Variants in GCC2 observed in about 807,000 individuals in gnomAD.
The protein encoded by GCC2 is GRIP and coiled-coil domain-containing protein 2.
Under a neutral mutation model 210.6 loss-of-function variants are expected in GCC2, and 120 were observed. The observed-to-expected ratio is 0.57, with a 90% CI of 0.49 to 0.66. The LOEUF (loss-of-function observed/expected upper bound fraction) is 0.66, where lower values mean the gene tolerates loss of function less well. Ranked by LOEUF, GCC2 falls within the 30% of genes least tolerant of loss-of-function variation. The pLI is 0.00. For missense variants in GCC2, 1,868 were observed against 1,871.9 expected, an observed-to-expected ratio of 1.00 and a Z score of 0.04; for synonymous variants, 703 against 652.7, an observed-to-expected ratio of 1.08 and a Z score of -1.17.
At chr2:108,472,223 T>C (rs1469090250) in intron 6 of GCC2, 107 bp downstream of exon 6, 1 of 745,840 alleles carries the variant, frequency 1.3e-6, no homozygotes, top group East Asian at 3.0e-5. Flanking sequence ...ATTTTTACCA[T>C]TTAAGCCCAA....
intron 3 of GCC2, among the ~76,000 whole-genome samples, 168 bp from the exon 4 acceptor site, chr2:108,452,231 T>C (rs912858281): frequency 1.1e-4 from 17 of 152,150 alleles, no homozygotes; most frequent in African/African-American, 4.1e-4. Context: ...AAATTGGCCA[T>C]GTAATGCTGA....
At chr2:108,466,517 G>T (rs1442671996) in intron 4 of GCC2, among the ~76,000 whole-genome samples, 5 of 151,344 alleles carry the variant, frequency 3.3e-5, no homozygotes, top group Non-Finnish European at 5.9e-5. Context: ...CTGTCACCCA[G>T]GCTGGAGTGC....
At chr2:108,506,936 A>G (rs1683222018) in intron 22 of GCC2, among the ~76,000 whole-genome samples, 1 of 152,194 alleles carries the variant, frequency 6.6e-6, no homozygotes, top group Admixed American at 6.5e-5. Flanking sequence ...CATGATTTTC[A>G]TAGCTGGATT....
chr2:108,461,934 G>A (rs1680609987), intron 4 of GCC2, among the ~76,000 whole-genome samples: 3 of 137,152 alleles, frequency 2.2e-5, no homozygotes, highest in African/African-American at 5.5e-5. Context: ...CCGGGTTCAC[G>A]CCATTCTCCT....
intron 4 of GCC2, among the ~76,000 whole-genome samples, chr2:108,461,761 C>T (rs574490600): frequency 5.8e-4 from 88 of 151,908 alleles, no homozygotes; most frequent in African/African-American, 2.1e-3. Flanking sequence ...GCCTCAGCTT[C>T]CCAAAGTTCT....
At chr2:108,475,494 C>T (rs1336815248) in intron 7 of GCC2, 41 bp from the exon 8 acceptor site, 2 of 907,252 alleles carry the variant, frequency 2.2e-6, no homozygotes, top group African/African-American at 1.7e-5. Context: ...GAATTTTTTC[C>T]TTTTGAGTTC....
chr2:108,493,444 A>C, intron 19 of GCC2: 1 of 985,944 alleles, frequency 1.0e-6, no homozygotes, highest in Non-Finnish European at 1.2e-6. Flanking sequence ...CCGTTGTTAG[A>C]CATCAAATTT....
chr2:108,460,991 A>T (rs1680540765), intron 4 of GCC2, among the ~76,000 whole-genome samples: 2 of 152,146 alleles, frequency 1.3e-5, no homozygotes, highest in Non-Finnish European at 2.9e-5. Context: ...AAGTTTCCTG[A>T]GGCCTCCCCA....
chr2:108,461,857 A>G (rs1680602366), intron 4 of GCC2, among the ~76,000 whole-genome samples: 2 of 104,884 alleles, frequency 1.9e-5, no homozygotes, highest in South Asian at 6.1e-4. Context: ...TTTTTGAGAC[A>G]GAGTCTCGCT....
chr2:108,477,825 C>G lies in GCC2; in HGVS notation c.3060+1975C>G, dbSNP rs185198686. ...CTTTGGGAGGCCAAGGTGGGTGAGT[C>G]ACTTGAGGCCAGGAGTTTGAGATCA... On this transcript the variant is annotated intron_variant, in intron 9 of 22. Transcript: ENST00000309863. Among the ~76,000 whole-genome samples, 914 of 152,224 alleles carry G rather than the reference C, an allele frequency of 6.0e-3. 10 individuals are homozygous for G. The highest frequency in any genetic ancestry group is 0.021 in the African/African-American group (874 of 41,534).
At chr2:108,462,931 C>G (rs906797321) in intron 4 of GCC2, among the ~76,000 whole-genome samples, 47 of 151,762 alleles carry the variant, frequency 3.1e-4, no homozygotes, top group African/African-American at 1.9e-4. Flanking sequence ...AAAAAAAGAC[C>G]TGTCTTTAAG....
At chr2:108,477,696 G>A (rs925435918) in intron 9 of GCC2, among the ~76,000 whole-genome samples, 1 of 152,162 alleles carries the variant, frequency 6.6e-6, no homozygotes, top group Non-Finnish European at 1.5e-5. Context: ...AACCTAGAAT[G>A]AAATACTTGA....
rs1301806462 is a variant in GCC2 at position 108,449,288 on chromosome 2, A to G, written c.6+8A>G. 2 of 1,549,188 alleles carry G rather than the reference A, an allele frequency of 1.3e-6. No homozygotes were observed. The highest frequency in any genetic ancestry group is 1.7e-6 in the Non-Finnish European group (2 of 1,145,228). ...GGGCTGGCGGAGATGGAGGTAACTCAGGTCGGGCCCACTGCCTCCCATCAA... is the reference window on the plus strand; with the variant it reads ...GGGCTGGCGGAGATGGAGGTAACTCGGGTCGGGCCCACTGCCTCCCATCAA... On this transcript the variant is annotated splice_region_variant and intron_variant, in intron 1 of 22. Transcript: ENST00000309863.
At chr2:108,461,004 C>T (rs1680541488) in intron 4 of GCC2, among the ~76,000 whole-genome samples, 1 of 152,210 alleles carries the variant, frequency 6.6e-6, no homozygotes, top group Non-Finnish European at 1.5e-5. Context: ...CCTCCCCAGC[C>T]ATGCTTCCTA....
At chr2:108,449,481 A>G (rs1264883200) in intron 1 of GCC2, 152 bp from the exon 2 acceptor site, 22 of 1,180,230 alleles carry the variant, frequency 1.9e-5, no homozygotes, top group Non-Finnish European at 2.4e-5. Context: ...GAATTGCCAC[A>G]GCGACCGCCT....
chr2:108,469,000 T>G lies in GCC2; in HGVS notation c.237T>G (p.Asp79Glu). Residue 79 changes from aspartate to glutamate, a missense_variant, in exon 5 of 23, where the codon GAT becomes GAG. By Grantham distance (45) the Asp-to-Glu change is conservative. Coordinates refer to ENST00000309863, the MANE Select transcript of GCC2 (RefSeq NM_181453.4). Reference sequence around the variant, plus strand: ...AATAGGCATTAACTGAACGTCTGGATGCTCTTCTTCTGGAAAAAGCAGAGA... The same window carrying G: ...AATAGGCATTAACTGAACGTCTGGAGGCTCTTCTTCTGGAAAAAGCAGAGA... ...DIIKALTERLDALLLEKAETE... is the reference protein window; with the variant it reads ...DIIKALTERLEALLLEKAETE... 1 of 1,611,576 alleles carries G rather than the reference T, an allele frequency of 6.2e-7. No homozygotes were observed. Among genetic ancestry groups the G allele is most frequent in the Non-Finnish European group, 8.5e-7 (1 of 1,177,876 alleles).
chr2:108,487,596 T>C, intron 16 of GCC2, 103 bp from the exon 17 acceptor site: 17 of 1,067,280 alleles, frequency 1.6e-5, no homozygotes, highest in Non-Finnish European at 2.3e-5. Context: ...GCCATTTTTC[T>C]CATTTTCAAA....
intron 4 of GCC2, among the ~76,000 whole-genome samples, chr2:108,463,657 G>A (rs1680719754): frequency 6.6e-6 from 1 of 152,180 alleles, no homozygotes; most frequent in African/African-American, 2.4e-5. Context: ...GTGTTAGCAG[G>A]CCAATTCTTG....
intron 19 of GCC2, chr2:108,494,636 C>A (rs1002824568): frequency 6.6e-6 from 1 of 152,130 alleles, no homozygotes; most frequent in Non-Finnish European, 1.5e-5. Context: ...AGAATCTAGT[C>A]TTTTAATTTT....
Sources: allele counts gnomAD v4.1 joint callset (sites outside exome capture counted in the v4.1 genomes callset), GRCh38; gene constraint gnomAD v4.1.1; transcripts MANE v1.5; gene names NCBI Gene and HGNC (gene_info 2026-07-23, HGNC 2026-07-21).